The following PHACTR2 variants were observed in gnomAD, a reference collection of about 807,000 sequenced individuals.
The protein encoded by PHACTR2 is phosphatase and actin regulator 2.
PHACTR2 carries 30 observed loss-of-function variants against 76.0 expected under a neutral mutation model. That is an observed-to-expected ratio of 0.39 (90% CI 0.30 to 0.54). The LOEUF (loss-of-function observed/expected upper bound fraction) is 0.54. PHACTR2 is among the 20% of genes least tolerant of loss of function. The probability of loss-of-function intolerance (pLI) is 0.61; values close to 1 mark genes in which losing one functional copy is unlikely to be tolerated. For missense variants in PHACTR2, 696 were observed against 781.1 expected (o/e 0.89, Z 1.30); for synonymous variants, 292 against 292.5 (o/e 1.00, Z 0.02).
chr6:143,638,576 T>C (rs200483314), intron 1 of PHACTR2, among the ~76,000 whole-genome samples: 13 of 146,990 alleles, frequency 8.8e-5, no homozygotes, highest in South Asian at 4.3e-4. Context: ...CACACACACA[T>C]ACACACACAC....
upstream of PHACTR2, among the ~76,000 whole-genome samples, chr6:143,677,564 A>G (rs569541594): frequency 6.6e-6 from 1 of 152,340 alleles, no homozygotes; most frequent in South Asian, 2.1e-4. Flanking sequence ...TTAAAAAATT[A>G]TATTTGTTAA....
rs555146071 is a variant in PHACTR2, at chr6:143,689,151, G to A, written c.46+10942G>A. Among the ~76,000 whole-genome samples the A allele has an allele frequency of 9.9e-5, 15 of 152,182 alleles. No individual in the cohort carries two copies. Among genetic ancestry groups the A allele is most frequent in the Non-Finnish European group, 2.2e-4 (15 of 68,036 alleles). The stretch of plus-strand genomic sequence containing the variant: ...CTCCTTGTTTCGGCTGGATCCTTGT[G>A]CTTCATAGAGACCTTCCCTGCCTAC... On this transcript the variant is annotated intron_variant, in intron 1 of 12. Coordinates refer to ENST00000440869, the MANE Select transcript of PHACTR2 (RefSeq NM_001100164.2). The surrounding 1 kb of genome is among the most constrained non-coding windows in gnomAD (Gnocchi z 4.4).
chr6:143,706,525 T>G (rs1181435210), intron 1 of PHACTR2, among the ~76,000 whole-genome samples: 1 of 152,172 alleles, frequency 6.6e-6, no homozygotes, highest in Non-Finnish European at 1.5e-5. Flanking sequence ...ATCTGTAACT[T>G]CTCTCTCCAG....
chr6:143,745,758 T>C (rs1779047012), intron 2 of PHACTR2, among the ~76,000 whole-genome samples: 2 of 152,254 alleles, frequency 1.3e-5, no homozygotes, highest in African/African-American at 4.8e-5. Context: ...GGTATCCGCA[T>C]TGTGTGTTAA....
upstream of PHACTR2, among the ~76,000 whole-genome samples, chr6:143,675,068 T>C (rs1777217938): frequency 1.3e-5 from 2 of 152,188 alleles, no homozygotes; most frequent in South Asian, 4.1e-4. This position sits in a 1 kb window ranked among gnomAD's most constrained non-coding sequence, Gnocchi z 4.9. Flanking sequence ...GACAAGCCAG[T>C]GAAGTCTGTG....
rs1031054008 is a variant in PHACTR2 at position 143,694,118 on chromosome 6, G to A, written c.46+15909G>A. Among the ~76,000 whole-genome samples, 7 of 138,248 alleles carry A rather than the reference G, an allele frequency of 5.1e-5. No individual in the cohort carries two copies. The South Asian group carries it at 1.8e-3, about 36-fold the overall frequency. 90.7% of individuals were successfully genotyped at this position (138,248 alleles called of 152,430 possible). Reference sequence around the variant, plus strand: ...GGAAAGAAGGAAGGGAGGGAAGAAGGAAGGAAAGAAGGAAGGAAGGAAGGA... The same window carrying A: ...GGAAAGAAGGAAGGGAGGGAAGAAGAAAGGAAAGAAGGAAGGAAGGAAGGA... On this transcript the variant is annotated intron_variant, in intron 1 of 12. Coordinates refer to ENST00000440869, the MANE Select transcript of PHACTR2 (RefSeq NM_001100164.2).
At chr6:143,803,000 C>A (rs968768478) in intron 11 of PHACTR2, among the ~76,000 whole-genome samples, 1 of 152,120 alleles carries the variant, frequency 6.6e-6, no homozygotes, top group African/African-American at 2.4e-5. Flanking sequence ...ACTGACTCAT[C>A]ATTTCTAATT....
In PHACTR2 at chr6:143,599,517, A is replaced by G. The variant is rs954577083; in HGVS notation, c.217+62310A>G. On this transcript the variant is annotated intron_variant, in intron 1 of 11. Transcript: ENST00000367584. This position sits in a 1 kb window ranked among gnomAD's most constrained non-coding sequence, Gnocchi z 4.6. ...ACAAGATTTCTACGTCTTTCATGGAAGCAATCAATACATGTTTGATAAGAA... is the reference window on the plus strand; with the variant it reads ...ACAAGATTTCTACGTCTTTCATGGAGGCAATCAATACATGTTTGATAAGAA... 6.6e-6 allele frequency among the ~76,000 whole-genome samples: 1 copy of G among 152,204 alleles called. No individual in the cohort carries two copies. The highest frequency in any genetic ancestry group is 1.5e-5 in the Non-Finnish European group (1 of 68,040).
At chr6:143,579,808 C>G (rs1438680390) in intron 1 of PHACTR2, among the ~76,000 whole-genome samples, 1 of 152,146 alleles carries the variant, frequency 6.6e-6, no homozygotes. Context: ...TTTATTGTTT[C>G]TGTGAGTCAG....
rs1328608953 is a variant in PHACTR2 at position 143,633,462 on chromosome 6, T to C, written c.13+25140T>C. On this transcript the variant is annotated intron_variant, in intron 1 of 11. Transcript: ENST00000305766. The surrounding 1 kb of genome is among the most constrained non-coding windows in gnomAD (Gnocchi z 4.1). Reference sequence around the variant, plus strand: ...AGGACCTCTTTAGAGAGACCTTCTGTTCAGGTCTTTTGTCCATTTTTAAAT... The same window carrying C: ...AGGACCTCTTTAGAGAGACCTTCTGCTCAGGTCTTTTGTCCATTTTTAAAT... Among the ~76,000 whole-genome samples, 1 of 152,186 alleles carries C rather than the reference T, an allele frequency of 6.6e-6. No homozygotes were observed. The highest frequency in any genetic ancestry group is 1.5e-5 in the Non-Finnish European group (1 of 68,026).
At position 143,823,690 on chromosome 6, in the gene PHACTR2, C is replaced by T. The variant is rs182283279; in HGVS notation, c.*1C>T. 5.0e-5 allele frequency: 81 copies of T among 1,610,936 alleles called. No homozygotes were observed. The East Asian group carries it at 1.7e-3, about 34-fold the overall frequency. On this transcript the variant is annotated 3_prime_UTR_variant, in exon 13 of 13. Coordinates refer to ENST00000440869, the MANE Select transcript of PHACTR2 (RefSeq NM_001100164.2). The surrounding 1 kb of genome is among the most constrained non-coding windows in gnomAD (Gnocchi z 5.7). ...TTACTCCAGGTTTCATCGTCCATAA[C>T]GAAGAGTGAGACTATTTGGAAACAG...
rs1309221272 is a variant in PHACTR2 at position 143,816,137 on chromosome 6, G to A, written c.1923-7537G>A. The stretch of plus-strand genomic sequence containing the variant: ...TCAGGAAAGTTCTGAAAAGAGGGTG[G>A]ACAAAAGGCTTCAGTATCCTTAGGG... On this transcript the variant is annotated intron_variant, in intron 12 of 12. Transcript: ENST00000440869. The surrounding 1 kb of genome is among the most constrained non-coding windows in gnomAD (Gnocchi z 4.5). 1.3e-5 allele frequency among the ~76,000 whole-genome samples: 2 copies of A among 152,004 alleles called. No homozygotes were observed. Among genetic ancestry groups the A allele is most frequent in the African/African-American group, 4.8e-5 (2 of 41,366 alleles).
intron 1 of PHACTR2, among the ~76,000 whole-genome samples, chr6:143,690,939 G>A (rs1185987104): frequency 6.6e-6 from 1 of 152,192 alleles, no homozygotes; most frequent in Non-Finnish European, 1.5e-5. Flanking sequence ...TTTATGGGAT[G>A]CTCGTTCTGA....
intron 1 of PHACTR2, among the ~76,000 whole-genome samples, chr6:143,609,309 T>C (rs1775939348): frequency 6.6e-6 from 1 of 152,226 alleles, no homozygotes; most frequent in Admixed American, 6.5e-5. Context: ...TCAGCGTGTA[T>C]TAGGTTCTTT....
At position 143,663,849 on chromosome 6, in the gene PHACTR2, G is replaced by A. The variant is rs188047352; in HGVS notation, c.14-48167G>A. Among the ~76,000 whole-genome samples, 444 of 152,200 alleles carry A rather than the reference G, an allele frequency of 2.9e-3. 7 individuals are homozygous for A. Among genetic ancestry groups the A allele is most frequent in the African/African-American group, 0.01 (427 of 41,554 alleles). On this transcript the variant is annotated intron_variant, in intron 1 of 11. Transcript: ENST00000305766. This position sits in a 1 kb window ranked among gnomAD's most constrained non-coding sequence, Gnocchi z 4.1. The stretch of plus-strand genomic sequence containing the variant: ...TTATTGAGATTTCTGTTATGATCTA[G>A]TGTTAAATCAATGTACAGTTGCCAT...
chr6:143,624,094 T>C lies in PHACTR2; in HGVS notation c.13+15772T>C, dbSNP rs1342802549. 4.0e-5 allele frequency among the ~76,000 whole-genome samples: 6 copies of C among 151,100 alleles called. No individual in the cohort carries two copies. Among genetic ancestry groups the C allele is most frequent in the Non-Finnish European group, 7.4e-5 (5 of 67,792 alleles). On this transcript the variant is annotated intron_variant, in intron 1 of 11. Coordinates refer to the PHACTR2 transcript ENST00000305766. This position sits in a 1 kb window ranked among gnomAD's most constrained non-coding sequence, Gnocchi z 4.6. ...CTAGCTCTGAAATCTTGTTAATTTT[T>C]TTTGTTGTTTTTTTTGTTTGTTTGT...
Position 143,793,872 on chromosome 6 carries a change from C to T in PHACTR2, c.1845+4962C>T, listed in dbSNP as rs1015970930. On this transcript the variant is annotated intron_variant, in intron 11 of 12. Coordinates refer to ENST00000440869, the MANE Select transcript of PHACTR2 (RefSeq NM_001100164.2). The surrounding 1 kb of genome is among the most constrained non-coding windows in gnomAD (Gnocchi z 4.4). ...CAGGAGGCTGCAGTGAGCCATGCCA[C>T]GGCACTCCAGCCTGGGCAACAGAGC... Among the ~76,000 whole-genome samples the T allele has an allele frequency of 5.9e-5, 9 of 151,942 alleles. No individual in the cohort carries two copies. Among genetic ancestry groups the T allele is most frequent in the South Asian group, 2.1e-4 (1 of 4,806 alleles).
chr6:143,623,930 C>T lies in PHACTR2; in HGVS notation c.13+15608C>T, dbSNP rs1172470853. On this transcript the variant is annotated intron_variant, in intron 1 of 11. Coordinates refer to the PHACTR2 transcript ENST00000305766. The surrounding 1 kb of genome is among the most constrained non-coding windows in gnomAD (Gnocchi z 5.9). ...TATTCTGGGTACACTCAGAGCACCCCCATAATAAGTTGCTAATGACATGGG... is the reference window on the plus strand; with the variant it reads ...TATTCTGGGTACACTCAGAGCACCCTCATAATAAGTTGCTAATGACATGGG... Among the ~76,000 whole-genome samples, 1 of 152,144 alleles carries T rather than the reference C, an allele frequency of 6.6e-6. No homozygotes were observed. The highest frequency in any genetic ancestry group is 1.9e-4 in the East Asian group (1 of 5,194).
Position 143,554,540 on chromosome 6 carries a change from G to A in PHACTR2, c.217+17333G>A, listed in dbSNP as rs1414692713. 6.6e-6 allele frequency: 1 copy of A among 152,282 alleles called. No individual in the cohort carries two copies. Among genetic ancestry groups the A allele is most frequent in the African/African-American group, 2.4e-5 (1 of 41,434 alleles). The allele number at this position is 152,282 out of a possible 1,614,324, so 9.4% of individuals were successfully genotyped here. Reference sequence around the variant, plus strand: ...AAAATTACTAAAAGGAAACGTCAGCGTTAGAGCAGTCTTGCTGAAGACAGG... The same window carrying A: ...AAAATTACTAAAAGGAAACGTCAGCATTAGAGCAGTCTTGCTGAAGACAGG... On this transcript the variant is annotated intron_variant, in intron 1 of 11. Coordinates refer to the PHACTR2 transcript ENST00000367584. The surrounding 1 kb of genome is among the most constrained non-coding windows in gnomAD (Gnocchi z 5.9).
Sources: allele counts gnomAD v4.1 joint callset (sites outside exome capture counted in the v4.1 genomes callset), GRCh38; gene constraint gnomAD v4.1.1; non-coding constraint Gnocchi (gnomAD v3.1); transcripts MANE v1.5; gene names NCBI Gene and HGNC (gene_info 2026-07-23, HGNC 2026-07-21).